The following NSD2 variants were observed in gnomAD, a reference collection of about 807,000 sequenced individuals.
The protein encoded by NSD2 is histone-lysine N-methyltransferase NSD2.
In NSD2, 12 loss-of-function variants were observed where a neutral mutation model predicts 139.0. The ratio of observed to expected loss-of-function variants is 0.09; its 90% CI spans 0.06 to 0.14. The LOEUF is 0.14. Ranked by LOEUF, NSD2 falls within the 10% of genes least tolerant of loss-of-function variation. NSD2 has a pLI of 1.00. For synonymous variants in NSD2, 669 were observed against 648.7 expected (o/e 1.03, Z -0.48); for missense variants, 1,155 against 1,745.0 (o/e 0.66, Z 6.02).
Position 1,943,172 on chromosome 4 carries a change from T to G in NSD2, c.1881+3394T>G, listed in dbSNP as rs1311945656. On this transcript the variant is annotated intron_variant, in intron 9 of 21. Coordinates refer to ENST00000508803, the MANE Select transcript of NSD2 (RefSeq NM_001042424.3). ...GTCCTGCCCCAGGTGTCCGCATTTTTGCATGGTAAGGAAAAGGCTTACTTG... is the reference window on the plus strand; with the variant it reads ...GTCCTGCCCCAGGTGTCCGCATTTTGGCATGGTAAGGAAAAGGCTTACTTG... 13 of 1,042,284 alleles carry G rather than the reference T, an allele frequency of 1.2e-5. No homozygotes were observed. The East Asian group carries it at 7.4e-4, about 59-fold the overall frequency. The allele number at this position is 1,042,284 out of a possible 1,614,324, so 64.6% of individuals were successfully genotyped here.
chr4:1,906,656 T>C lies in NSD2; in HGVS notation c.760+2278T>C, dbSNP rs374545543. Among the ~76,000 whole-genome samples, 35 of 132,236 alleles carry C rather than the reference T, an allele frequency of 2.6e-4. No homozygotes were observed. The South Asian group carries it at 3.3e-3, about 13-fold the overall frequency. The allele number at this position is 132,236 out of a possible 152,430, so 86.8% of individuals were successfully genotyped here. On this transcript the variant is annotated intron_variant, in intron 3 of 21. Transcript: ENST00000508803. ...CATTTTTACTTCTCTCTCTCTCTCT[T>C]TTTTTTTTTTTTTTTTTTTTTTGAG...
Position 1,979,027 on chromosome 4 carries a change from G to C in NSD2, c.*118G>C, listed in dbSNP as rs886059320. 7.6e-7 allele frequency: 1 copy of C among 1,316,776 alleles called. No individual in the cohort carries two copies. Among genetic ancestry groups the C allele is most frequent in the Non-Finnish European group, 1.0e-6 (1 of 999,408 alleles). 81.6% of individuals were successfully genotyped at this position (1,316,776 alleles called of 1,614,324 possible). The stretch of plus-strand genomic sequence containing the variant: ...CAGCTCGAGCCGCCAGGACACAGAC[G>C]TACAGGCCTCCTCGGGAGGGAGCGC... On this transcript the variant is annotated 3_prime_UTR_variant, in exon 22 of 22. Transcript: ENST00000508803.
rs143124937 is a variant in NSD2 at position 1,935,247 on chromosome 4, G to A, written c.1659G>A (p.Lys553=). 8 of 1,612,686 alleles carry A rather than the reference G, an allele frequency of 5.0e-6. No individual in the cohort carries two copies. The African/African-American group carries it at 9.3e-5, about 19-fold the overall frequency. The change falls in exon 7 of 22, where the codon AAG becomes AAA. Residue 553 remains lysine, a synonymous_variant. Coordinates refer to ENST00000508803, the MANE Select transcript of NSD2 (RefSeq NM_001042424.3). The part of the protein sequence containing the change: ...DTPRKRLRTD[K]HSLRKRDTIT... ...CCAGGAAAAGACTCAGGACGGACAA[G>A]CACAGTCTTCGGAAGGTAATTGTGT... is the stretch of plus-strand genomic sequence containing the variant.
chr4:1,898,440 G>A (rs957976766), intron 1 of NSD2, among the ~76,000 whole-genome samples: 1 of 152,090 alleles, frequency 6.6e-6, no homozygotes, highest in Non-Finnish European at 1.5e-5. Flanking sequence ...CAAGGCGGGC[G>A]GATCACGAAG....
chr4:1,878,507 G>A (rs1264149436), intron 1 of NSD2, among the ~76,000 whole-genome samples: 1 of 151,758 alleles, frequency 6.6e-6, no homozygotes, highest in African/African-American at 2.4e-5. Context: ...GTGAATTCCT[G>A]GCTGCATTGG....
At chr4:1,930,498 T>C in intron 5 of NSD2, 128 bp from the exon 6 acceptor site, 1 of 999,724 alleles carries the variant, frequency 1.0e-6, no homozygotes, top group South Asian at 2.2e-5. Flanking sequence ...TGGACATAGT[T>C]CCACGATGTG....
Position 1,976,794 on chromosome 4 carries a change from C to G in NSD2, c.3826+115C>G. The G allele has an allele frequency of 3.5e-6, 4 of 1,136,616 alleles. No individual in the cohort carries two copies. Among genetic ancestry groups the G allele is most frequent in the Non-Finnish European group, 4.9e-6 (4 of 819,546 alleles). The allele number at this position is 1,136,616 out of a possible 1,614,324, so 70.4% of individuals were successfully genotyped here. On this transcript the variant is annotated intron_variant, in intron 21 of 21. Coordinates refer to ENST00000508803, the MANE Select transcript of NSD2 (RefSeq NM_001042424.3). This position sits in a 1 kb window ranked among gnomAD's most constrained non-coding sequence, Gnocchi z 5.3. ...CTCATCTGGGTGCAGGCACATCAGG[C>G]GCTCATGCAGCGAAGGCCCTGATCC...
intron 7 of NSD2, among the ~76,000 whole-genome samples, chr4:1,936,979 A>C (rs1722477745): frequency 6.6e-6 from 1 of 152,080 alleles, no homozygotes; most frequent in East Asian, 1.9e-4. Flanking sequence ...GCAGTAAGCT[A>C]GGTCAGATTC....
intron 3 of NSD2, among the ~76,000 whole-genome samples, chr4:1,910,145 T>C (rs1718474352): frequency 6.6e-6 from 1 of 152,158 alleles, no homozygotes; most frequent in Non-Finnish European, 1.5e-5. Flanking sequence ...AAAGTCTTAA[T>C]AGCATTGTTG....
At chr4:1,885,682 G>A (rs2108685886) in intron 1 of NSD2, among the ~76,000 whole-genome samples, 1 of 151,874 alleles carries the variant, frequency 6.6e-6, no homozygotes, top group South Asian at 2.1e-4. Context: ...CTTCTTGGTG[G>A]GTGCCCCTCT....
intron 1 of NSD2, among the ~76,000 whole-genome samples, chr4:1,892,419 A>G (rs1417078904): frequency 1.3e-5 from 2 of 152,158 alleles, no homozygotes. Flanking sequence ...CAGCCTCCCT[A>G]GCCCCTTAAC....
chr4:1,883,319 C>A (rs1011738166), intron 1 of NSD2, among the ~76,000 whole-genome samples: 3 of 151,788 alleles, frequency 2.0e-5, no homozygotes, highest in African/African-American at 7.3e-5. Flanking sequence ...TGATACCCCT[C>A]CCCCCATTTA....
intron 15 of NSD2, among the ~76,000 whole-genome samples, chr4:1,957,207 G>C (rs979098749): frequency 3.3e-5 from 5 of 152,052 alleles, no homozygotes; most frequent in Admixed American, 3.3e-4. Flanking sequence ...GTGTTTCCTC[G>C]GTTCTTGCTT....
intron 5 of NSD2, among the ~76,000 whole-genome samples, chr4:1,928,331 A>T (rs576256530): frequency 2.6e-5 from 4 of 152,306 alleles, no homozygotes; most frequent in Admixed American, 6.5e-5. Flanking sequence ...TAAGGTAAAT[A>T]TAAATTATCT....
intron 21 of NSD2, among the ~76,000 whole-genome samples, chr4:1,978,373 C>G (rs890735884): frequency 1.3e-5 from 2 of 152,098 alleles, no homozygotes; most frequent in East Asian, 3.9e-4. Flanking sequence ...CTCCTGCACC[C>G]GGCACAGCTC....
At chr4:1,922,955 G>A (rs1720353400) in intron 5 of NSD2, among the ~76,000 whole-genome samples, 1 of 152,026 alleles carries the variant, frequency 6.6e-6, no homozygotes, top group Non-Finnish European at 1.5e-5. Context: ...TATTCACGCA[G>A]GGCAGTGATA....
At chr4:1,940,804 C>T (rs1242215048) in intron 9 of NSD2, 2 of 1,058,302 alleles carry the variant, frequency 1.9e-6, no homozygotes, top group South Asian at 4.6e-5. Context: ...TGTTTCCACT[C>T]ATTAGAGGAG....
chr4:1,957,375 CTGGGT>C (rs386670554), intron 15 of NSD2, among the ~76,000 whole-genome samples: 2,283 of 149,926 alleles, frequency 0.015, 62 homozygotes, highest in African/African-American at 0.053. Flanking sequence ...CCTCCACCTC[CTGGGT>C]TCAAGCAATT....
chr4:1,930,022 T>C (rs1453786152), intron 5 of NSD2, among the ~76,000 whole-genome samples: 1 of 151,798 alleles, frequency 6.6e-6, no homozygotes, highest in Non-Finnish European at 1.5e-5. Context: ...GGCCCGGGAG[T>C]CTGCATTTCT....
Sources: allele counts gnomAD v4.1 joint callset (sites outside exome capture counted in the v4.1 genomes callset), GRCh38; gene constraint gnomAD v4.1.1; non-coding constraint Gnocchi (gnomAD v3.1); transcripts MANE v1.5; gene names NCBI Gene and HGNC (gene_info 2026-07-23, HGNC 2026-07-21).